Variants in SLC1A1 observed in about 807,000 individuals in gnomAD.
SLC1A1 encodes excitatory amino acid transporter 3.
SLC1A1 carries 43 observed loss-of-function variants against 53.3 expected under a neutral mutation model. The ratio of observed to expected loss-of-function variants is 0.81; its 90% CI spans 0.63 to 1.04. The LOEUF (loss-of-function observed/expected upper bound fraction) is 1.04. Among genes scored for constraint, SLC1A1 ranks in the 50% least tolerant of loss-of-function variants. The pLI is 0.00. For synonymous variants in SLC1A1, 307 were observed against 243.2 expected, an observed-to-expected ratio of 1.26 and a Z score of -2.44; for missense variants, 748 against 664.9, an observed-to-expected ratio of 1.12 and a Z score of -1.37.
intron 1 of SLC1A1, among the ~76,000 whole-genome samples, chr9:4,537,070 C>T (rs1410836354): frequency 6.6e-6 from 1 of 151,944 alleles, no homozygotes; most frequent in Non-Finnish European, 1.5e-5. Context: ...GGAGGGATAG[C>T]ATTAGGAGAT....
In SLC1A1 at chr9:4,566,171, G is replaced by C; in HGVS notation, c.483+82G>C. On this transcript the variant is annotated intron_variant, in intron 5 of 11. Transcript: ENST00000262352. ...AATGTTTTTTTCTGCTGTGACTCAA[G>C]AAATGGAATTAGCCCCGTGAAAATG... is the stretch of plus-strand genomic sequence containing the variant. 4 of 1,226,232 alleles carry C rather than the reference G, an allele frequency of 3.3e-6. No homozygotes were observed. In the South Asian group the frequency reaches 4.8e-5, roughly 15 times the overall value. The allele number at this position is 1,226,232 out of a possible 1,614,324, so 76.0% of individuals were successfully genotyped here. A position where few individuals can be genotyped will look rare whatever the true frequency, so the allele number is the denominator to read the frequency against.
At chr9:4,580,764 G>A (rs1433986420) in intron 10 of SLC1A1, among the ~76,000 whole-genome samples, 2 of 151,942 alleles carry the variant, frequency 1.3e-5, no homozygotes, top group Non-Finnish European at 2.9e-5. Context: ...AATAGTTGTT[G>A]TTTTGGTTGC....
intron 10 of SLC1A1, among the ~76,000 whole-genome samples, chr9:4,580,212 C>A (rs1016001100): frequency 1.3e-5 from 2 of 149,958 alleles, no homozygotes; most frequent in African/African-American, 2.5e-5. Context: ...GCCTAGGCAA[C>A]AGAGTGAGAT....
At chr9:4,537,583 T>TAAAAAAA (rs1171027024) in intron 1 of SLC1A1, among the ~76,000 whole-genome samples, 1 of 24,078 alleles carries the variant, frequency 4.2e-5, no homozygotes. Context: ...TAAAATAAAA[T>TAAAAAAA]AAAATAAAAT....
chr9:4,555,355 G>A (rs1036773856), intron 2 of SLC1A1, among the ~76,000 whole-genome samples: 3 of 152,192 alleles, frequency 2.0e-5, no homozygotes, highest in African/African-American at 7.2e-5. Context: ...AGATTGTCAC[G>A]AAAGCTTTGT....
chr9:4,572,765 TC>T (rs1428201494), intron 7 of SLC1A1, among the ~76,000 whole-genome samples: 5 of 152,152 alleles, frequency 3.3e-5, no homozygotes, highest in African/African-American at 1.2e-4. Context: ...CCCAGGCTGA[TC>T]TCAAACTCCT....
intron 1 of SLC1A1, among the ~76,000 whole-genome samples, chr9:4,503,691 A>C (rs1289934965): frequency 6.6e-6 from 1 of 151,872 alleles, no homozygotes; most frequent in African/African-American, 2.4e-5. Context: ...ACTATAATTT[A>C]ATATATGTGT....
chr9:4,561,485 T>G lies in SLC1A1; in HGVS notation c.269T>G (p.Ile90Ser). 6.2e-7 allele frequency: 1 copy of G among 1,611,178 alleles called. No individual in the cohort carries two copies. The highest frequency in any genetic ancestry group is 8.5e-7 in the Non-Finnish European group (1 of 1,177,370). ...AALDSNVSGK[I>S]GLRAVVYYFC... The stretch of plus-strand genomic sequence containing the variant: ...CTGGATTCCAACGTATCCGGAAAAA[T>G]TGGTCTGCGCGCTGTCGTGTATTAT... The change falls in exon 3 of 12, where the codon ATT becomes AGT. Residue 90 changes from isoleucine (I) to serine (S), a missense_variant. Physicochemically the swap from Ile to Ser is moderately radical, Grantham distance 142. Coordinates refer to ENST00000262352, the MANE Select transcript of SLC1A1 (RefSeq NM_004170.6).
intron 1 of SLC1A1, among the ~76,000 whole-genome samples, chr9:4,533,948 C>G (rs2130858479): frequency 6.6e-6 from 1 of 152,274 alleles, no homozygotes; most frequent in Admixed American, 6.5e-5. Context: ...ACAACCTGCT[C>G]CTGAATGACT....
chr9:4,529,990 T>G (rs1816407117), intron 1 of SLC1A1, among the ~76,000 whole-genome samples: 1 of 152,192 alleles, frequency 6.6e-6, no homozygotes, highest in African/African-American at 2.4e-5. Flanking sequence ...TGTACATGTA[T>G]TTTCTTATTT....
chr9:4,573,979 C>T lies in SLC1A1; in HGVS notation c.840C>T (p.Arg280=). 6.2e-7 allele frequency: 1 copy of T among 1,613,724 alleles called. No individual in the cohort carries two copies. The highest frequency in any genetic ancestry group is 8.5e-7 in the Non-Finnish European group (1 of 1,179,604). The part of the protein sequence containing the change: ...IIEVEDWEIF[R]KLGLYMATVL... Reference sequence around the variant, plus strand: ...AAGTTGAAGACTGGGAAATATTCCGCAAGCTGGGCCTTTACATGGCCACAG... The same window carrying T: ...AAGTTGAAGACTGGGAAATATTCCGTAAGCTGGGCCTTTACATGGCCACAG... Residue 280 remains arginine (R), a synonymous_variant, in exon 8 of 12, where the codon CGC becomes CGT. Coordinates refer to ENST00000262352, the MANE Select transcript of SLC1A1 (RefSeq NM_004170.6).
rs545641111 is a variant in SLC1A1, at chr9:4,536,459, T to C, written c.92-8108T>C. On this transcript the variant is annotated intron_variant, in intron 1 of 11. Coordinates refer to ENST00000262352, the MANE Select transcript of SLC1A1 (RefSeq NM_004170.6). ...ATGAAAAAATGCTGATCATCACTGG[T>C]CATCAGAGAAATGCAAATCAAAACC... Among the ~76,000 whole-genome samples the C allele has an allele frequency of 2.4e-4, 37 of 152,292 alleles. 1 individual carries two copies. The highest frequency in any genetic ancestry group is 1.7e-3 in the Admixed American group (26 of 15,308).
At chr9:4,521,897 T>C (rs982633491) in intron 1 of SLC1A1, among the ~76,000 whole-genome samples, 2 of 152,132 alleles carry the variant, frequency 1.3e-5, no homozygotes, top group African/African-American at 4.8e-5. Flanking sequence ...TACCTTAGTG[T>C]CCAGTTGCTT....
At chr9:4,563,079 T>C (rs977533306) in intron 3 of SLC1A1, among the ~76,000 whole-genome samples, 2 of 147,030 alleles carry the variant, frequency 1.4e-5, no homozygotes, top group Non-Finnish European at 3.0e-5. Flanking sequence ...GTAACTAACC[T>C]GCACAATGTG....
intron 2 of SLC1A1, among the ~76,000 whole-genome samples, chr9:4,558,054 T>G (rs1192238769): frequency 6.6e-6 from 1 of 152,184 alleles, no homozygotes; most frequent in African/African-American, 2.4e-5. Flanking sequence ...TCATTATTAT[T>G]TGTATTATGA....
intron 6 of SLC1A1, among the ~76,000 whole-genome samples, chr9:4,569,546 G>T (rs1446640035): frequency 2.0e-5 from 3 of 152,232 alleles, no homozygotes; most frequent in Non-Finnish European, 4.4e-5. Context: ...CTGTAAGCCT[G>T]TAGCAGATTT....
chr9:4,491,916 C>T (rs1403783801), intron 1 of SLC1A1, among the ~76,000 whole-genome samples: 3 of 152,210 alleles, frequency 2.0e-5, no homozygotes, highest in African/African-American at 7.2e-5. Flanking sequence ...CTCCTCCGAA[C>T]CGCCCCCTCC....
chr9:4,513,468 G>C (rs901084320), intron 1 of SLC1A1, among the ~76,000 whole-genome samples: 2 of 152,144 alleles, frequency 1.3e-5, no homozygotes, highest in East Asian at 3.8e-4. Context: ...CAGCATCGTT[G>C]GCCGTTAGGG....
chr9:4,556,366 T>C lies in SLC1A1; in HGVS notation c.233-5083T>C, dbSNP rs574605448. Among the ~76,000 whole-genome samples, 58 of 152,274 alleles carry C rather than the reference T, an allele frequency of 3.8e-4. No homozygotes were observed. Among genetic ancestry groups the C allele is most frequent in the Admixed American group, 1.5e-3 (23 of 15,282 alleles). On this transcript the variant is annotated intron_variant, in intron 2 of 11. Transcript: ENST00000262352. This position sits in a 1 kb window ranked among gnomAD's most constrained non-coding sequence, Gnocchi z 4.1. ...CAACAGAAATAAAGTTACTGTCCAA[T>C]TACTATAAACATTTTAAATACTCAC...
Sources: allele counts gnomAD v4.1 joint callset (sites outside exome capture counted in the v4.1 genomes callset), GRCh38; gene constraint gnomAD v4.1.1; non-coding constraint Gnocchi (gnomAD v3.1); transcripts MANE v1.5; gene names NCBI Gene and HGNC (gene_info 2026-07-23, HGNC 2026-07-21).